The following HSDL2 variants were observed in gnomAD, a reference collection of about 807,000 sequenced individuals.
HSDL2 encodes the protein hydroxysteroid dehydrogenase like 2.
HSDL2 carries 27 observed loss-of-function variants against 46.3 expected under a neutral mutation model. That is an observed-to-expected ratio of 0.58 (90% CI 0.43 to 0.80). HSDL2 has a LOEUF of 0.80. Ranked by LOEUF, HSDL2 falls within the 30% of genes least tolerant of loss-of-function variation. The probability of loss-of-function intolerance (pLI) is 0.00; values close to 1 mark genes in which losing one functional copy is unlikely to be tolerated. For synonymous variants in HSDL2, 153 were observed against 163.6 expected (o/e 0.94, Z 0.50); for missense variants, 451 against 502.7 (o/e 0.90, Z 0.98).
intron 4 of HSDL2, 59 bp from the exon 5 acceptor site, chr9:112,416,782 A>G: frequency 1.2e-6 from 1 of 845,880 alleles, no homozygotes; most frequent in Non-Finnish European, 2.0e-6. Context: ...CTTAAAAAAA[A>G]AAGTGGAGAA....
At chr9:112,445,047 T>A (rs1325202325) in intron 8 of HSDL2, among the ~76,000 whole-genome samples, 13 of 152,024 alleles carry the variant, frequency 8.6e-5, no homozygotes, top group Admixed American at 3.9e-4. Flanking sequence ...TCCAGCTAAT[T>A]TTTAAATTTT....
chr9:112,403,959 G>C (rs770982498), intron 1 of HSDL2, 36 bp from the exon 2 acceptor site: 3 of 1,586,906 alleles, frequency 1.9e-6, no homozygotes, highest in Middle Eastern at 1.7e-4. Context: ...ATAAAACATT[G>C]GGTCTTCTAA....
At chr9:112,437,018 G>A (rs1213578347) in intron 6 of HSDL2, among the ~76,000 whole-genome samples, 5 of 133,316 alleles carry the variant, frequency 3.8e-5, no homozygotes, top group East Asian at 2.3e-4. Flanking sequence ...GGAGAACAGT[G>A]GAGTAATCTC....
At chr9:112,435,551 C>T (rs368429578) in intron 6 of HSDL2, among the ~76,000 whole-genome samples, 5 of 152,034 alleles carry the variant, frequency 3.3e-5, no homozygotes, top group South Asian at 2.1e-4. Context: ...GGGCAAGTTA[C>T]TTAACTTCTC....
chr9:112,420,838 G>A (rs532174573), intron 6 of HSDL2, among the ~76,000 whole-genome samples: 5 of 152,290 alleles, frequency 3.3e-5, no homozygotes, highest in Admixed American at 2.0e-4. Context: ...TTAGAGACAA[G>A]TTCTGTTTAG....
intron 1 of HSDL2, among the ~76,000 whole-genome samples, chr9:112,402,290 G>A (rs1028764977): frequency 1.9e-4 from 29 of 152,118 alleles, no homozygotes; most frequent in Non-Finnish European, 2.9e-5. Flanking sequence ...TAAGCAGAAA[G>A]TTTAAGTGAA....
chr9:112,437,278 C>T (rs1832548627), intron 6 of HSDL2, among the ~76,000 whole-genome samples: 1 of 151,988 alleles, frequency 6.6e-6, no homozygotes, highest in South Asian at 2.1e-4. Flanking sequence ...ATATTTTCTA[C>T]AAAACAGTGT....
chr9:112,381,333 A>T (rs1443322126), intron 1 of HSDL2, among the ~76,000 whole-genome samples: 2 of 152,076 alleles, frequency 1.3e-5, no homozygotes, highest in African/African-American at 4.8e-5. Flanking sequence ...CCAGGGACAT[A>T]CATTTTTAGT....
intron 10 of HSDL2, among the ~76,000 whole-genome samples, chr9:112,465,866 T>C (rs1311872120): frequency 1.3e-5 from 2 of 152,346 alleles, no homozygotes; most frequent in South Asian, 2.1e-4. Context: ...CAAGTTTCTA[T>C]GTGGCTTTAT....
chr9:112,470,460 G>T lies in HSDL2; in HGVS notation c.1173G>T (p.Met391Ile). Reference sequence around the variant, plus strand: ...AACTAAAACCAACAATGGCATTCATGTCAGGGAAATTGAAGATTAAAGGTA... The same window carrying T: ...AACTAAAACCAACAATGGCATTCATTTCAGGGAAATTGAAGATTAAAGGTA... ...SGKLKPTMAF[M>I]SGKLKIKGNM... Residue 391 changes from methionine (M) to isoleucine (I), a missense_variant, in exon 11 of 11, where the codon ATG becomes ATT. By Grantham distance (10) the Met-to-Ile change is conservative. Coordinates refer to ENST00000398805, the MANE Select transcript of HSDL2 (RefSeq NM_032303.5). 4.3e-6 allele frequency: 7 copies of T among 1,611,302 alleles called. No individual in the cohort carries two copies. The highest frequency in any genetic ancestry group is 5.9e-6 in the Non-Finnish European group (7 of 1,178,478).
chr9:112,391,598 T>A (rs1219857959), intron 1 of HSDL2, among the ~76,000 whole-genome samples: 3 of 152,036 alleles, frequency 2.0e-5, no homozygotes, highest in Non-Finnish European at 2.9e-5. Context: ...AAAGTTAACC[T>A]TATTTATAGA....
intron 8 of HSDL2, among the ~76,000 whole-genome samples, chr9:112,450,608 G>A (rs1182056680): frequency 1.7e-5 from 2 of 116,878 alleles, no homozygotes; most frequent in African/African-American, 3.5e-5. Context: ...CAGCCTAGGT[G>A]ACAGAGCAAG....
intron 10 of HSDL2, among the ~76,000 whole-genome samples, chr9:112,469,331 A>G (rs1833494472): frequency 1.3e-5 from 2 of 152,114 alleles, no homozygotes; most frequent in East Asian, 1.9e-4. Context: ...CTACTAATAA[A>G]CCAAACACAT....
At chr9:112,406,530 G>A (rs2132624885) in intron 3 of HSDL2, among the ~76,000 whole-genome samples, 1 of 152,150 alleles carries the variant, frequency 6.6e-6, no homozygotes, top group South Asian at 2.1e-4. Flanking sequence ...GAGTGCAGTG[G>A]CGCAATCTCG....
At chr9:112,418,418 C>G (rs1244424373) in intron 5 of HSDL2, among the ~76,000 whole-genome samples, 2 of 151,290 alleles carry the variant, frequency 1.3e-5, no homozygotes, top group African/African-American at 2.4e-5. Context: ...CCTGTCTCTA[C>G]AAAAAAATTG....
intron 5 of HSDL2, among the ~76,000 whole-genome samples, chr9:112,418,475 C>T (rs1026492196): frequency 3.3e-5 from 5 of 149,356 alleles, no homozygotes; most frequent in African/African-American, 7.4e-5. Context: ...CCCAGCTACT[C>T]GGGAGGCTGA....
At chr9:112,442,290 AAAAAG>A (rs1284098632) in intron 8 of HSDL2, among the ~76,000 whole-genome samples, 12 of 150,338 alleles carry the variant, frequency 8.0e-5, no homozygotes, top group East Asian at 1.9e-4. Context: ...AAAAAAAAAA[AAAAAG>A]AAGAAGTTAT....
chr9:112,382,242 G>A (rs1052778842), intron 1 of HSDL2, among the ~76,000 whole-genome samples: 10 of 152,170 alleles, frequency 6.6e-5, no homozygotes, highest in South Asian at 2.1e-4. Context: ...TCCACCCTGC[G>A]AGAGAGAGTG....
At chr9:112,436,507 C>T (rs1832526819) in intron 6 of HSDL2, among the ~76,000 whole-genome samples, 1 of 151,860 alleles carries the variant, frequency 6.6e-6, no homozygotes, top group Non-Finnish European at 1.5e-5. Flanking sequence ...GGGCCAATGG[C>T]TCTTAAAAGC....
Sources: allele counts gnomAD v4.1 joint callset (sites outside exome capture counted in the v4.1 genomes callset), GRCh38; gene constraint gnomAD v4.1.1; transcripts MANE v1.5; gene names NCBI Gene and HGNC (gene_info 2026-07-23, HGNC 2026-07-21).